Variants in GPR20 observed in about 807,000 individuals in gnomAD.
GPR20 encodes G protein-coupled receptor 20, also known as CTD-3064M3.3.
For synonymous variants in GPR20, 241 were observed against 241.9 expected (o/e 1.00, Z 0.04); for missense variants, 494 against 527.4 (o/e 0.94, Z 0.62).
chr8:141,358,890 T>C (rs1367111016), intron 1 of GPR20, among the ~76,000 whole-genome samples: 2 of 151,514 alleles, frequency 1.3e-5, no homozygotes, highest in Non-Finnish European at 2.9e-5. Flanking sequence ...AGCTCCCGTC[T>C]GGCCTGGGCA....
Position 141,358,233 on chromosome 8 carries a change from G to T in GPR20, c.-24-286C>A, listed in dbSNP as rs531656851. ...ACAAAATACGGAGGTTTCTGCGACC[G>T]TCCTGGCACGAGGGGGAGGCGGAAA... On this transcript the variant is annotated intron_variant, in intron 1 of 1. Coordinates refer to ENST00000377741, the MANE Select transcript of GPR20 (RefSeq NM_005293.3). Among the ~76,000 whole-genome samples the T allele has an allele frequency of 3.3e-5, 5 of 152,362 alleles. No individual in the cohort carries two copies. In the South Asian group the frequency reaches 1.0e-3, roughly 32 times the overall value.
Position 141,357,402 on chromosome 8 carries a change from C to T in GPR20, c.522G>A (p.Val174=), listed in dbSNP as rs762498400. The change falls in exon 2 of 2, where the codon GTG becomes GTA. Residue 174 remains valine, a synonymous_variant. Transcript: ENST00000377741. ...PACARAVCAF[V]WLAAGAVTLS... ...GGGTGACGGCACCGGCGGCCAGCCA[C>T]ACGAAGGCGCACACGGCCCTGGCAC... 6.3e-7 allele frequency: 1 copy of T among 1,595,622 alleles called. No individual in the cohort carries two copies. The highest frequency in any genetic ancestry group is 8.5e-7 in the Non-Finnish European group (1 of 1,173,144).
chr8:141,356,938 T>C lies in GPR20; in HGVS notation c.986A>G (p.His329Arg), dbSNP rs546276235. 1 of 1,612,916 alleles carries C rather than the reference T, an allele frequency of 6.2e-7. No homozygotes were observed. Among genetic ancestry groups the C allele is most frequent in the South Asian group, 1.1e-5 (1 of 91,084 alleles). The change falls in exon 2 of 2, where the codon CAC becomes CGC. Residue 329 changes from histidine to arginine, a missense_variant. Transcript: ENST00000377741. ...ACGGCCTGAGCCCTTGGAGCTCCTG[T>C]GCATGCTGACCACGTCACCGCTGCT... ...EPSSGDVVSMHRSSKGSGRHH... is the reference protein window; with the variant it reads ...EPSSGDVVSMRRSSKGSGRHH...
In GPR20 at chr8:141,357,444, G is replaced by A. The variant is rs1226036419; in HGVS notation, c.480C>T (p.Arg160=). Reference sequence around the variant, plus strand: ...CCCTGGCACAGGCAGGCTGGCGGCAGCGGCGGGAGCCTTCGGGCCGCACGA... The same window carrying A: ...CCCTGGCACAGGCAGGCTGGCGGCAACGGCGGGAGCCTTCGGGCCGCACGA... ...LAIVRPEGSR[R]CRQPACARAV... is the part of the protein sequence containing the mutation. The change falls in exon 2 of 2, where the codon CGC becomes CGT. Residue 160 remains arginine, a synonymous_variant. Transcript: ENST00000377741. 3 of 1,600,248 alleles carry A rather than the reference G, an allele frequency of 1.9e-6. No homozygotes were observed. Among genetic ancestry groups the A allele is most frequent in the Non-Finnish European group, 2.6e-6 (3 of 1,175,092 alleles).
Position 141,356,909 on chromosome 8 carries a change from G to T in GPR20, c.1015C>A (p.His339Asn). 1 of 1,611,810 alleles carries T rather than the reference G, an allele frequency of 6.2e-7. No individual in the cohort carries two copies. ...GCGTGAGGGCCGGCACTGAGGATGT[G>T]ATGACGGCCTGAGCCCTTGGAGCTC... ...HRSSKGSGRHHILSAGPHALT... is the reference protein window; with the variant it reads ...HRSSKGSGRHNILSAGPHALT... The change falls in exon 2 of 2, where the codon CAC becomes AAC. Residue 339 changes from histidine to asparagine, a missense_variant. Physicochemically the swap from His to Asn is moderately conservative, Grantham distance 68. Coordinates refer to ENST00000377741, the MANE Select transcript of GPR20 (RefSeq NM_005293.3).
At position 141,357,276 on chromosome 8, in the gene GPR20, G is replaced by A. The variant is rs368080359; in HGVS notation, c.648C>T (p.Thr216=). 27 of 1,542,530 alleles carry A rather than the reference G, an allele frequency of 1.8e-5. No individual in the cohort carries two copies. Among genetic ancestry groups the A allele is most frequent in the Admixed American group, 3.9e-5 (2 of 51,176 alleles). Residue 216 remains threonine (T), a synonymous_variant, in exon 2 of 2, where the codon ACC becomes ACT. Coordinates refer to ENST00000377741, the MANE Select transcript of GPR20 (RefSeq NM_005293.3). ...LLPLLVISVF[T]GRIMCALSRP... is the part of the protein sequence containing the mutation. ...GCGACAGTGCACACATGATGCGGCC[G>A]GTAAACACGCTGATGACCAGCAGGG...
Position 141,357,073 on chromosome 8 carries a change from G to T in GPR20, c.851C>A (p.Thr284Asn). ...TSLVVYHVAV[T>N]LSSLNSCMDP... ...CATGCAGCTGTTGAGGCTGCTGAGG[G>T]TCACGGCCACGTGGTAGACCACGAG... Residue 284 changes from threonine to asparagine, a missense_variant, in exon 2 of 2, where the codon ACC becomes AAC. By Grantham distance (65) the Thr-to-Asn change is moderately conservative. Transcript: ENST00000377741. The T allele has an allele frequency of 6.2e-7, 1 of 1,612,552 alleles. No individual in the cohort carries two copies.
chr8:141,359,704 A>G (rs2154616579), intron 1 of GPR20, among the ~76,000 whole-genome samples: 1 of 152,278 alleles, frequency 6.6e-6, no homozygotes, highest in Admixed American at 6.5e-5. Context: ...GCAGGCAGCC[A>G]GGGGAGGAGA....
chr8:141,362,047 G>C (rs1309493869), intron 1 of GPR20, among the ~76,000 whole-genome samples: 2 of 152,060 alleles, frequency 1.3e-5, no homozygotes, highest in East Asian at 3.9e-4. Context: ...CTCCCTGGGA[G>C]GGGCCTGAGG....
rs371086797 is a variant in GPR20 at position 141,356,885 on chromosome 8, C to T, written c.1039G>A (p.Ala347Thr). The T allele has an allele frequency of 1.1e-5, 17 of 1,608,014 alleles. No individual in the cohort carries two copies. In the East Asian group the frequency reaches 1.3e-4, roughly 13 times the overall value. ...RHHILSAGPHALTQALANGPE... is the reference protein window; with the variant it reads ...RHHILSAGPHTLTQALANGPE... ...CCATTAGCCAGGGCCTGGGTGAGGGCGTGAGGGCCGGCACTGAGGATGTGA... is the reference window on the plus strand; with the variant it reads ...CCATTAGCCAGGGCCTGGGTGAGGGTGTGAGGGCCGGCACTGAGGATGTGA... Residue 347 changes from alanine (A) to threonine (T), a missense_variant, in exon 2 of 2, where the codon GCC becomes ACC. Transcript: ENST00000377741.
chr8:141,362,986 C>G (rs1831758754), intron 1 of GPR20, among the ~76,000 whole-genome samples: 1 of 152,154 alleles, frequency 6.6e-6, no homozygotes, highest in East Asian at 1.9e-4. Flanking sequence ...CTCCTGGCCT[C>G]AAGTGGTTTG....
At chr8:141,363,048 C>T (rs899027012) in intron 1 of GPR20, among the ~76,000 whole-genome samples, 2 of 152,182 alleles carry the variant, frequency 1.3e-5, no homozygotes, top group African/African-American at 2.4e-5. Flanking sequence ...CTACTGCGCC[C>T]GGCCCCATCA....
chr8:141,356,848 T>C lies in GPR20; in HGVS notation c.1076A>G (p.Ter359TrpextTer36), dbSNP rs1309315215. 7.6e-6 allele frequency: 12 copies of C among 1,584,082 alleles called. No homozygotes were observed. The highest frequency in any genetic ancestry group is 9.5e-6 in the Non-Finnish European group (11 of 1,160,626). ...CGGCCCCTGGCAGAGCCCTGCTGAC[T>C]AAGCCTCGGGCCCATTAGCCAGGGC... ...TQALANGPEA[*>W] is the part of the protein sequence containing the mutation. The change falls in exon 2 of 2, where the codon TAG becomes TGG. Residue 359 changes from the stop codon to tryptophan, a stop_lost. Transcript: ENST00000377741.
intron 1 of GPR20, among the ~76,000 whole-genome samples, chr8:141,363,249 C>T (rs1204958476): frequency 6.6e-6 from 1 of 152,230 alleles, no homozygotes; most frequent in East Asian, 1.9e-4. Flanking sequence ...CTGCAGACAC[C>T]CCCAACATGG....
intron 1 of GPR20, 95 bp from the exon 2 acceptor site, chr8:141,358,042 G>A (rs1191166615): frequency 7.9e-6 from 5 of 634,560 alleles, no homozygotes; most frequent in African/African-American, 3.7e-5. Flanking sequence ...GCCCCTGCAC[G>A]CCCAGCATCC....
Position 141,361,533 on chromosome 8 carries a change from T to G in GPR20, c.-24-3586A>C, listed in dbSNP as rs193157508. ...GCTCAGACACAGGAAGTGATGAAAG[T>G]ATGGGACAAGCTGCCAGCGGGGGAC... On this transcript the variant is annotated intron_variant, in intron 1 of 1. Transcript: ENST00000377741. Among the ~76,000 whole-genome samples the G allele has an allele frequency of 3.6e-3, 551 of 152,180 alleles. 7 individuals carry two copies. Among genetic ancestry groups the G allele is most frequent in the African/African-American group, 0.013 (532 of 41,498 alleles).
Position 141,357,125 on chromosome 8 carries a change from A to G in GPR20, c.799T>C (p.Trp267Arg). The change falls in exon 2 of 2, where the codon TGG (tryptophan) becomes CGG (arginine). Residue 267 changes from tryptophan (W) to arginine (R), a missense_variant. Trp to Arg is a moderately radical substitution (Grantham distance 101, BLOSUM62 -3). Coordinates refer to ENST00000377741, the MANE Select transcript of GPR20 (RefSeq NM_005293.3). The stretch of plus-strand genomic sequence containing the variant: ...CTCGTGTGGTGTGGCATGTCGGGCC[A>G]CAGCGCCACGGCCACTTGGCGGGCG... ...FHARQVAVAL[W>R]PDMPHHTSLV... 1 of 1,611,452 alleles carries G rather than the reference A, an allele frequency of 6.2e-7. No homozygotes were observed. The highest frequency in any genetic ancestry group is 1.3e-5 in the African/African-American group (1 of 75,064).
chr8:141,362,207 T>A (rs1386300272), intron 1 of GPR20, among the ~76,000 whole-genome samples: 1 of 152,178 alleles, frequency 6.6e-6, no homozygotes, highest in African/African-American at 2.4e-5. Flanking sequence ...CCTTTCGGCT[T>A]ATTCATGCCC....
chr8:141,364,088 C>T (rs1272055814), intron 1 of GPR20, among the ~76,000 whole-genome samples: 5 of 152,248 alleles, frequency 3.3e-5, no homozygotes. Context: ...GGGAATCAGA[C>T]CCAGGTCCAC....
Sources: gnomAD v4.1 joint callset for allele counts (sites outside exome capture counted in the v4.1 genomes callset) on GRCh38, gnomAD v4.1.1 for gene constraint, MANE v1.5 for transcripts, NCBI Gene and HGNC (gene_info 2026-07-23, HGNC 2026-07-21) for gene names.